The following ERLIN1 variants were observed in gnomAD, a reference collection of about 807,000 sequenced individuals.
ERLIN1 encodes the protein erlin-1.
A neutral mutation model predicts 46.9 loss-of-function variants in ERLIN1; 24 were observed. The ratio of observed to expected loss-of-function variants is 0.51; its 90% confidence interval spans 0.37 to 0.72. The LOEUF is 0.72. Among genes scored for constraint, ERLIN1 ranks in the 30% least tolerant of loss-of-function variants. The pLI, the probability that ERLIN1 is intolerant of heterozygous loss-of-function variation, is 0.00. For synonymous variants in ERLIN1, 158 were observed against 143.2 expected (o/e 1.10, Z -0.74); for missense variants, 293 against 417.9 (o/e 0.70, Z 2.61).
Position 100,185,967 on chromosome 10 carries a change from A to G in ERLIN1, c.-341T>C. 3 of 453,496 alleles carry G rather than the reference A, an allele frequency of 6.6e-6. No homozygotes were observed. Among genetic ancestry groups the G allele is most frequent in the Non-Finnish European group, 1.2e-5 (3 of 258,724 alleles). 28.1% of individuals were successfully genotyped at this position (453,496 alleles called of 1,614,324 possible). On this transcript the variant is annotated 5_prime_UTR_variant, in exon 1 of 11. An upstream open reading frame in the 5' UTR loses its in-frame stop. Transcript: ENST00000421367. ...ACCCCTCGGCCGCGCCTCACCGATC[A>G]GTGACGCATCGCCCCCGCCCGCACG...
intron 8 of ERLIN1, among the ~76,000 whole-genome samples, chr10:100,162,142 T>TA (rs1194399659): frequency 2.0e-5 from 3 of 152,062 alleles, no homozygotes; most frequent in Non-Finnish European, 4.4e-5. Flanking sequence ...TGGAAATGCA[T>TA]AAATCTGAAA....
At chr10:100,167,453 C>A in intron 6 of ERLIN1, 47 bp from the exon 7 acceptor site, 1 of 1,463,922 alleles carries the variant, frequency 6.8e-7, no homozygotes, top group Non-Finnish European at 9.5e-7. Context: ...AAAGATAAAT[C>A]TTCAAATTAA....
intron 3 of ERLIN1, 110 bp from the exon 4 acceptor site, chr10:100,178,304 C>A: frequency 1.5e-6 from 1 of 673,380 alleles, no homozygotes. Context: ...TCACTTAAAA[C>A]ACAGAAAGAG....
chr10:100,171,208 C>T (rs986050454), intron 6 of ERLIN1, among the ~76,000 whole-genome samples: 2 of 151,994 alleles, frequency 1.3e-5, no homozygotes, highest in African/African-American at 4.8e-5. Context: ...ACTGAAATTA[C>T]TATGTAAAAC....
In ERLIN1 at chr10:100,186,021, G is replaced by T; in HGVS notation, c.-395C>A. ...AGCCGACTCCCGCGCCGAGCCAACCGCCGCCAACAGCCGGCCCCGCCCACT... is the reference window on the plus strand; with the variant it reads ...AGCCGACTCCCGCGCCGAGCCAACCTCCGCCAACAGCCGGCCCCGCCCACT... On this transcript the variant is annotated 5_prime_UTR_variant, in exon 1 of 11. Coordinates refer to ENST00000421367, the MANE Select transcript of ERLIN1 (RefSeq NM_006459.4). 2.4e-6 allele frequency: 1 copy of T among 418,218 alleles called. No homozygotes were observed. The highest frequency in any genetic ancestry group is 4.2e-6 in the Non-Finnish European group (1 of 238,286). The allele number at this position is 418,218 out of a possible 1,614,324, so 25.9% of individuals were successfully genotyped here. A position where few individuals can be genotyped will look rare whatever the true frequency, so the allele number is the denominator to read the frequency against.
rs551046057 is a variant in ERLIN1 at position 100,175,926 on chromosome 10, T to C, written c.430+19A>G. On this transcript the variant is annotated intron_variant, in intron 5 of 10. Coordinates refer to ENST00000421367, the MANE Select transcript of ERLIN1 (RefSeq NM_006459.4). ...ATTTCCAATTGGCTATTTACATACATAAGAATTAAGACACTTACCAAACAA... is the reference window on the plus strand; with the variant it reads ...ATTTCCAATTGGCTATTTACATACACAAGAATTAAGACACTTACCAAACAA... 3.7e-6 allele frequency: 6 copies of C among 1,608,946 alleles called. No individual in the cohort carries two copies. Among genetic ancestry groups the C allele is most frequent in the Non-Finnish European group, 5.1e-6 (6 of 1,177,012 alleles).
chr10:100,183,916 C>T, intron 1 of ERLIN1, 79 bp from the exon 2 acceptor site: 3 of 966,862 alleles, frequency 3.1e-6, no homozygotes, highest in Non-Finnish European at 1.6e-6. Context: ...ATAATAAATA[C>T]TCACTCTTGC....
chr10:100,178,912 A>T (rs548191938), intron 3 of ERLIN1, among the ~76,000 whole-genome samples: 1 of 152,228 alleles, frequency 6.6e-6, no homozygotes, highest in Non-Finnish European at 1.5e-5. Flanking sequence ...GTAAAAAATA[A>T]AGTCTTTAAA....
At chr10:100,172,076 G>A (rs867539941) in intron 6 of ERLIN1, among the ~76,000 whole-genome samples, 5 of 152,016 alleles carry the variant, frequency 3.3e-5, no homozygotes, top group Middle Eastern at 3.2e-3. Context: ...TGTAAGAGAG[G>A]GATTTAAAAA....
intron 2 of ERLIN1, among the ~76,000 whole-genome samples, chr10:100,179,933 T>C (rs543030896): frequency 6.6e-6 from 1 of 152,360 alleles, no homozygotes; most frequent in South Asian, 2.1e-4. Flanking sequence ...TTGATTCCAC[T>C]GCTAATATTA....
At chr10:100,155,000 C>A in intron 9 of ERLIN1, 61 bp from the exon 10 acceptor site, 2 of 1,343,798 alleles carry the variant, frequency 1.5e-6, no homozygotes, top group Middle Eastern at 1.8e-4. Context: ...GAGTCCCTTT[C>A]CCCACTGCTT....
intron 6 of ERLIN1, among the ~76,000 whole-genome samples, chr10:100,169,086 A>G (rs138993578): frequency 1.4e-3 from 210 of 152,332 alleles, no homozygotes; most frequent in African/African-American, 4.9e-3. Context: ...CAAATATGTG[A>G]AAACATAAAC....
chr10:100,176,165 C>T, intron 4 of ERLIN1, 95 bp from the exon 5 acceptor site: 1 of 1,086,664 alleles, frequency 9.2e-7, no homozygotes. Flanking sequence ...ATATATTACA[C>T]ATGAGGAAAA....
Position 100,174,270 on chromosome 10 carries a change from C to T in ERLIN1, c.442G>A (p.Glu148Lys), listed in dbSNP as rs1323174720. 2 of 1,557,940 alleles carry T rather than the reference C, an allele frequency of 1.3e-6. No individual in the cohort carries two copies. Among genetic ancestry groups the T allele is most frequent in the Non-Finnish European group, 1.7e-6 (2 of 1,149,330 alleles). The change falls in exon 6 of 11, where the codon GAA becomes AAA. Residue 148 changes from glutamate to lysine, a missense_variant. By Grantham distance (56) the Glu-to-Lys change is moderately conservative. Coordinates refer to ENST00000421367, the MANE Select transcript of ERLIN1 (RefSeq NM_006459.4). The stretch of plus-strand genomic sequence containing the variant: ...TTCTGCAGAGCTTGCTTCAGGTTTT[C>T]ATCTATTTGATCTGTTTTTTAAGCC... ...VYIELFDQID[E>K]NLKQALQKDL...
At chr10:100,158,940 A>G (rs1843213582) in intron 8 of ERLIN1, among the ~76,000 whole-genome samples, 1 of 152,216 alleles carries the variant, frequency 6.6e-6, no homozygotes, top group Non-Finnish European at 1.5e-5. Context: ...AAACACATCC[A>G]AATATAGCAG....
At chr10:100,182,360 T>C (rs1175542666) in intron 2 of ERLIN1, among the ~76,000 whole-genome samples, 3 of 152,140 alleles carry the variant, frequency 2.0e-5, no homozygotes, top group Non-Finnish European at 4.4e-5. Flanking sequence ...GGTCTAATGC[T>C]GCCATTGCTA....
intron 4 of ERLIN1, among the ~76,000 whole-genome samples, chr10:100,177,850 C>T (rs72840043): frequency 0.012 from 1,803 of 152,330 alleles, 17 homozygotes; most frequent in Non-Finnish European, 0.016. Context: ...AATTATCTCT[C>T]ATCCTGACTG....
chr10:100,174,313 T>G (rs1196740485), intron 5 of ERLIN1, 32 bp from the exon 6 acceptor site: 1 of 1,479,778 alleles, frequency 6.8e-7, no homozygotes, highest in Admixed American at 2.0e-5. Flanking sequence ...ACAGATCTCA[T>G]GATAGTCAAT....
At chr10:100,154,610 A>G (rs926431857) in intron 10 of ERLIN1, among the ~76,000 whole-genome samples, 1 of 152,222 alleles carries the variant, frequency 6.6e-6, no homozygotes, top group African/African-American at 2.4e-5. Context: ...CTTATTTCAG[A>G]AGACCTTCAA....
Sources: allele counts gnomAD v4.1 joint callset (sites outside exome capture counted in the v4.1 genomes callset), GRCh38; gene constraint gnomAD v4.1.1; transcripts MANE v1.5; gene names NCBI Gene and HGNC (gene_info 2026-07-23, HGNC 2026-07-21).